RPTOR: variants seen among roughly 807,000 people sequenced by gnomAD.
RPTOR encodes regulatory-associated protein of mTOR.
RPTOR carries 21 observed loss-of-function variants against 169.9 expected under a neutral mutation model. That is an observed-to-expected ratio of 0.12 (90% CI 0.09 to 0.18). The LOEUF is 0.18. Ranked by LOEUF, RPTOR falls within the 10% of genes least tolerant of loss-of-function variation. RPTOR has a pLI of 1.00. For missense variants in RPTOR, 1,133 were observed against 1,855.9 expected (o/e 0.61, Z 7.16); for synonymous variants, 732 against 753.2 (o/e 0.97, Z 0.46).
At chr17:80,906,584 A>G (rs1012972694) in intron 20 of RPTOR, among the ~76,000 whole-genome samples, 3 of 152,242 alleles carry the variant, frequency 2.0e-5, no homozygotes, top group African/African-American at 4.8e-5. Flanking sequence ...ACACATGTGT[A>G]TGGGCAAGAC....
At chr17:80,715,487 A>G (rs1416683605) in intron 4 of RPTOR, among the ~76,000 whole-genome samples, 1 of 152,144 alleles carries the variant, frequency 6.6e-6, no homozygotes, top group Non-Finnish European at 1.5e-5. Flanking sequence ...GTTTACTGCT[A>G]CATTCCAAGC....
chr17:80,712,326 GT>G (rs2066201683), intron 4 of RPTOR, among the ~76,000 whole-genome samples: 2 of 152,166 alleles, frequency 1.3e-5, no homozygotes, highest in African/African-American at 4.8e-5. Context: ...GCCACACAGA[GT>G]AGTGGTGTCC....
chr17:80,628,448 C>T (rs1451102942), intron 2 of RPTOR, among the ~76,000 whole-genome samples: 5 of 152,154 alleles, frequency 3.3e-5, no homozygotes, highest in Non-Finnish European at 5.9e-5. Flanking sequence ...TCTTTTAGCA[C>T]TGTCTTTTAA....
At chr17:80,655,621 G>A (rs1467967572) in intron 3 of RPTOR, among the ~76,000 whole-genome samples, 1 of 149,314 alleles carries the variant, frequency 6.7e-6, no homozygotes, top group Non-Finnish European at 1.5e-5. Flanking sequence ...TTGTCACTCA[G>A]GCTGGAGTGC....
chr17:80,837,418 C>T (rs987510512), intron 9 of RPTOR, among the ~76,000 whole-genome samples: 13 of 152,136 alleles, frequency 8.5e-5, no homozygotes, highest in Admixed American at 3.3e-4. Flanking sequence ...CAGCCCTGAC[C>T]GCCAGGACTC....
chr17:80,716,144 C>A (rs1207729605), intron 4 of RPTOR, among the ~76,000 whole-genome samples: 1 of 152,202 alleles, frequency 6.6e-6, no homozygotes, highest in African/African-American at 2.4e-5. Context: ...AATCTCCACA[C>A]TGTTTTCCAT....
rs534149801 is a variant in RPTOR, at chr17:80,847,247, G to T, written c.1314+673G>T. ...CCCGTGTCATGTCAGTGCTGTTCACGTGCAGACCATGACCTGTTCATGGGT... is the reference window on the plus strand; with the variant it reads ...CCCGTGTCATGTCAGTGCTGTTCACTTGCAGACCATGACCTGTTCATGGGT... On this transcript the variant is annotated intron_variant, in intron 11 of 33. Coordinates refer to ENST00000306801, the MANE Select transcript of RPTOR (RefSeq NM_020761.3). Among the ~76,000 whole-genome samples, 13 of 152,374 alleles carry T rather than the reference G, an allele frequency of 8.5e-5. No homozygotes were observed. In the South Asian group the frequency reaches 1.0e-3, roughly 12 times the overall value.
chr17:80,800,660 C>T (rs1271844801), intron 7 of RPTOR, among the ~76,000 whole-genome samples: 1 of 152,122 alleles, frequency 6.6e-6, no homozygotes, highest in African/African-American at 2.4e-5. Context: ...TATTCTGAAT[C>T]CTTTGAGAGA....
At chr17:80,946,383 C>T (rs1407357211) in intron 26 of RPTOR, among the ~76,000 whole-genome samples, 1 of 152,244 alleles carries the variant, frequency 6.6e-6, no homozygotes, top group African/African-American at 2.4e-5. Context: ...CAGCCAGTGG[C>T]ATTCAGCGTA....
chr17:80,729,911 G>A (rs2066375146), intron 4 of RPTOR, among the ~76,000 whole-genome samples: 1 of 152,224 alleles, frequency 6.6e-6, no homozygotes, highest in East Asian at 1.9e-4. Context: ...CCCCACAGTG[G>A]GAACTGAGAC....
intron 2 of RPTOR, among the ~76,000 whole-genome samples, chr17:80,639,582 C>T (rs978469454): frequency 2.0e-5 from 3 of 152,192 alleles, no homozygotes; most frequent in African/African-American, 4.8e-5. Context: ...GCACACAGCC[C>T]GCACTGTGGG....
chr17:80,808,585 A>G (rs1176125125), intron 7 of RPTOR, among the ~76,000 whole-genome samples: 2 of 152,348 alleles, frequency 1.3e-5, no homozygotes, highest in East Asian at 1.9e-4. Flanking sequence ...GAGCTGTACA[A>G]CTGATGAGTT....
chr17:80,745,792 A>G (rs937705837), intron 5 of RPTOR, among the ~76,000 whole-genome samples: 1 of 152,236 alleles, frequency 6.6e-6, no homozygotes, highest in Non-Finnish European at 1.5e-5. Context: ...AGTTGTTAGT[A>G]CCGTATCTCA....
intron 7 of RPTOR, among the ~76,000 whole-genome samples, chr17:80,796,119 C>A (rs1263225145): frequency 2.0e-5 from 3 of 152,176 alleles, no homozygotes; most frequent in African/African-American, 7.2e-5. Flanking sequence ...CTGTTTTAGT[C>A]CATTCTCACA....
intron 6 of RPTOR, among the ~76,000 whole-genome samples, chr17:80,762,527 GA>G (rs766133421): frequency 9.9e-4 from 151 of 152,314 alleles, no homozygotes; most frequent in Non-Finnish European, 1.8e-3. Flanking sequence ...TAAGAGGGTG[GA>G]AAGAAAGAGT....
intron 3 of RPTOR, among the ~76,000 whole-genome samples, chr17:80,669,021 G>A (rs774623920): frequency 4.6e-5 from 7 of 152,206 alleles, no homozygotes; most frequent in African/African-American, 1.4e-4. Flanking sequence ...TGGAGAGCCA[G>A]GTGCCCCTGC....
intron 1 of RPTOR, among the ~76,000 whole-genome samples, chr17:80,574,158 CT>C (rs554064785): frequency 0.051 from 6,512 of 128,392 alleles, 236 homozygotes; most frequent in African/African-American, 0.19. Flanking sequence ...TTTCTTTTTT[CT>C]TTTTTTTTTT....
intron 3 of RPTOR, among the ~76,000 whole-genome samples, chr17:80,685,200 C>CACCTCATTCGGCG (rs1567856245): frequency 6.6e-6 from 1 of 151,560 alleles, no homozygotes; most frequent in African/African-American, 2.4e-5. Flanking sequence ...TTCAGGGTCG[C>CACCTCATTCGGCG]TTGTTGCGTT....
chr17:80,806,227 A>T (rs1290718029), intron 7 of RPTOR, among the ~76,000 whole-genome samples: 1 of 152,192 alleles, frequency 6.6e-6, no homozygotes, highest in Non-Finnish European at 1.5e-5. Flanking sequence ...CTGAGCCAGT[A>T]TATCCTCCTG....
Sources: gnomAD v4.1 joint callset for allele counts (sites outside exome capture counted in the v4.1 genomes callset) on GRCh38, gnomAD v4.1.1 for gene constraint, MANE v1.5 for transcripts, NCBI Gene and HGNC (gene_info 2026-07-23, HGNC 2026-07-21) for gene names.